The following DSCAM variants were observed in gnomAD, a reference collection of about 807,000 sequenced individuals.
DSCAM encodes DS cell adhesion molecule, also known as cell adhesion molecule DSCAM.
DSCAM carries 47 observed loss-of-function variants against 217.7 expected under a neutral mutation model. The ratio of observed to expected loss-of-function variants is 0.22; its 90% CI spans 0.17 to 0.28. The LOEUF (loss-of-function observed/expected upper bound fraction) is 0.28. Ranked by LOEUF, DSCAM falls within the 10% of genes least tolerant of loss-of-function variation. DSCAM has a pLI of 1.00. For missense variants in DSCAM, 2,080 were observed against 2,618.3 expected (o/e 0.79, Z 4.49); for synonymous variants, 1,056 against 1,015.3 (o/e 1.04, Z -0.76).
chr21:40,531,138 CTCG>C (rs2076443103), intron 3 of DSCAM, among the ~76,000 whole-genome samples: 1 of 152,198 alleles, frequency 6.6e-6, no homozygotes, highest in Non-Finnish European at 1.5e-5. Flanking sequence ...TTCTTGGCGT[CTCG>C]TCAACACCAG....
Position 40,124,243 on chromosome 21 carries a change from G to C in DSCAM, c.3648C>G (p.Asn1216Lys), listed in dbSNP as rs201137339. The C allele has an allele frequency of 6.2e-7, 1 of 1,614,002 alleles. No individual in the cohort carries two copies. Among genetic ancestry groups the C allele is most frequent in the Non-Finnish European group, 8.5e-7 (1 of 1,180,020 alleles). ...ATACAGTGTACTTTCGGATGATGCC[G>C]TTCAGCTTGAGAGGGGGAAGCCAGG... ...FVSWLPPLKLNGIIRKYTVFC... is the reference protein window; with the variant it reads ...FVSWLPPLKLKGIIRKYTVFC... Residue 1216 changes from asparagine (N) to lysine (K), a missense_variant, in exon 20 of 33, where the codon AAC (asparagine) becomes AAG (lysine). Asn to Lys is a moderately conservative substitution (Grantham distance 94, BLOSUM62 0). Transcript: ENST00000400454.
At chr21:40,752,829 G>T (rs1405214944) in intron 1 of DSCAM, among the ~76,000 whole-genome samples, 1 of 152,118 alleles carries the variant, frequency 6.6e-6, no homozygotes, top group Non-Finnish European at 1.5e-5. Flanking sequence ...AAGGGGAGAA[G>T]AGGGAAGCAA....
At chr21:40,563,810 G>T (rs1482579759) in intron 3 of DSCAM, among the ~76,000 whole-genome samples, 1 of 147,002 alleles carries the variant, frequency 6.8e-6, no homozygotes, top group African/African-American at 2.5e-5. Context: ...AGTTATATGT[G>T]TATATATAGT....
At chr21:40,710,531 C>A (rs113011917) in intron 1 of DSCAM, among the ~76,000 whole-genome samples, 2 of 152,144 alleles carry the variant, frequency 1.3e-5, no homozygotes, top group African/African-American at 2.4e-5. Flanking sequence ...TCAGTGAATG[C>A]ACAATTTATA....
At position 40,490,978 on chromosome 21, in the gene DSCAM, T is replaced by C. The variant is rs374057068; in HGVS notation, c.509-121733A>G. ...GACATGGATGAGCTCCATTATTCTTTTACGTGACTTGGGCACATGAGGAAT... is the reference window on the plus strand; with the variant it reads ...GACATGGATGAGCTCCATTATTCTTCTACGTGACTTGGGCACATGAGGAAT... On this transcript the variant is annotated intron_variant, in intron 3 of 32. Transcript: ENST00000400454. Among the ~76,000 whole-genome samples, 39 of 152,322 alleles carry C rather than the reference T, an allele frequency of 2.6e-4. No individual in the cohort carries two copies. The South Asian group carries it at 6.0e-3, about 23-fold the overall frequency.
chr21:40,488,388 C>T (rs1022309967), intron 3 of DSCAM, among the ~76,000 whole-genome samples: 5 of 152,246 alleles, frequency 3.3e-5, no homozygotes, highest in Admixed American at 1.3e-4. Flanking sequence ...TCTCTGGAAA[C>T]TTCTATTTGA....
At chr21:40,704,219 C>T (rs1223440887) in intron 2 of DSCAM, among the ~76,000 whole-genome samples, 11 of 152,160 alleles carry the variant, frequency 7.2e-5, no homozygotes, top group Non-Finnish European at 1.6e-4. Context: ...CTGGAAACTA[C>T]TGATCTTTCT....
rs768696185 is a variant in DSCAM, at chr21:40,075,101, C to A, written c.4824G>T (p.Leu1608=). 6.2e-7 allele frequency: 1 copy of A among 1,614,186 alleles called. No individual in the cohort carries two copies. Among genetic ancestry groups the A allele is most frequent in the Non-Finnish European group, 8.5e-7 (1 of 1,180,018 alleles). Residue 1608 remains leucine (L), a synonymous_variant, in exon 27 of 33, where the codon CTG becomes CTT. Transcript: ENST00000400454. ...TISCILVGVL[L]LFVLLLVVRR... ...GCACAACCAGCAGGAGCACAAACAG[C>A]AGCAAGACCCCCACCAGGATACAGG...
At chr21:40,028,788 C>T (rs2088454027) in intron 32 of DSCAM, among the ~76,000 whole-genome samples, 1 of 152,226 alleles carries the variant, frequency 6.6e-6, no homozygotes, top group Non-Finnish European at 1.5e-5. Context: ...GCCGAGATCA[C>T]CCGTCTTCTG....
chr21:40,211,682 T>C (rs546757391), intron 11 of DSCAM, among the ~76,000 whole-genome samples: 57 of 152,260 alleles, frequency 3.7e-4, no homozygotes, highest in African/African-American at 1.3e-3. Flanking sequence ...TTGTCCTTGG[T>C]ACAGCCCATG....
intron 11 of DSCAM, among the ~76,000 whole-genome samples, chr21:40,221,583 T>C (rs2146904517): frequency 6.6e-6 from 1 of 151,946 alleles, no homozygotes; most frequent in South Asian, 2.1e-4. Context: ...CCCTGATACT[T>C]TTTCAAAGGA....
intron 2 of DSCAM, among the ~76,000 whole-genome samples, chr21:40,703,487 C>A (rs2090679703): frequency 6.6e-6 from 1 of 152,138 alleles, no homozygotes. Context: ...CCACTGCACC[C>A]CAGCCTGGTT....
intron 32 of DSCAM, among the ~76,000 whole-genome samples, chr21:40,040,336 A>G (rs1319438804): frequency 6.6e-6 from 1 of 152,204 alleles, no homozygotes; most frequent in Non-Finnish European, 1.5e-5. Flanking sequence ...GCAAAGGTCA[A>G]ATTTTTAAGA....
intron 26 of DSCAM, among the ~76,000 whole-genome samples, chr21:40,077,732 G>C (rs1470152409): frequency 2.0e-5 from 3 of 152,212 alleles, no homozygotes; most frequent in African/African-American, 7.2e-5. Context: ...GTCTTGGCTT[G>C]GCTGTCAATA....
intron 3 of DSCAM, among the ~76,000 whole-genome samples, chr21:40,477,875 C>A (rs1982282578): frequency 6.6e-6 from 1 of 151,956 alleles, no homozygotes; most frequent in Non-Finnish European, 1.5e-5. Flanking sequence ...TGTAATATAC[C>A]TAGAGAAGAG....
At chr21:40,549,721 G>A (rs59155334) in intron 3 of DSCAM, among the ~76,000 whole-genome samples, 2 of 152,154 alleles carry the variant, frequency 1.3e-5, no homozygotes, top group African/African-American at 4.8e-5. Flanking sequence ...ATTTAACAAA[G>A]AAATTTAATC....
Position 40,478,042 on chromosome 21 carries a change from G to C in DSCAM, c.509-108797C>G, listed in dbSNP as rs2075952345. Among the ~76,000 whole-genome samples the C allele has an allele frequency of 2.0e-5, 3 of 152,040 alleles. No individual in the cohort carries two copies. The South Asian group carries it at 6.2e-4, about 32-fold the overall frequency. Reference sequence around the variant, plus strand: ...TTCTTTCAAAGCCACCCAGTATCTTGATTTCTAATAGGATAGGTTCGTTTT... The same window carrying C: ...TTCTTTCAAAGCCACCCAGTATCTTCATTTCTAATAGGATAGGTTCGTTTT... On this transcript the variant is annotated intron_variant, in intron 3 of 32. Coordinates refer to ENST00000400454, the MANE Select transcript of DSCAM (RefSeq NM_001389.5).
intron 1 of DSCAM, among the ~76,000 whole-genome samples, chr21:40,782,197 A>C (rs988174116): frequency 4.0e-5 from 6 of 151,546 alleles, no homozygotes; most frequent in African/African-American, 7.3e-5. Context: ...AAAAAAAAAA[A>C]CCTTCTCTTC....
At chr21:40,560,291 C>A (rs2057229157) in intron 3 of DSCAM, among the ~76,000 whole-genome samples, 1 of 152,156 alleles carries the variant, frequency 6.6e-6, no homozygotes, top group African/African-American at 2.4e-5. Context: ...TAGAGAAGCT[C>A]AGACAGAGGC....
Sources: gnomAD v4.1 joint callset for allele counts (sites outside exome capture counted in the v4.1 genomes callset) on GRCh38, gnomAD v4.1.1 for gene constraint, MANE v1.5 for transcripts, NCBI Gene and HGNC (gene_info 2026-07-23, HGNC 2026-07-21) for gene names.